ACHE: variants seen among roughly 807,000 people sequenced by gnomAD.
ACHE encodes acetylcholinesterase (Yt blood group), also known as acetylcholinesterase.
ACHE carries 19 observed loss-of-function variants against 53.9 expected under a neutral mutation model. The observed-to-expected ratio is 0.35, with a 90% CI of 0.25 to 0.52. The LOEUF is 0.52. Ranked by LOEUF, ACHE falls within the 20% of genes least tolerant of loss-of-function variation. The pLI is 0.95. For missense variants in ACHE, 605 were observed against 849.4 expected (o/e 0.71, Z 3.58); for synonymous variants, 392 against 378.1 (o/e 1.04, Z -0.43).
Position 100,895,807 on chromosome 7 carries a change from G to A in ACHE, c.-26C>T, listed in dbSNP as rs1306833551. The stretch of plus-strand genomic sequence containing the variant: ...GGGCGGGGAGGGAGACTCACCTGAG[G>A]CGGCCGAGCCGGGCCGGGCCGGGCC... On this transcript the variant is annotated 5_prime_UTR_variant, in exon 1 of 5. Coordinates refer to ENST00000241069, the MANE Select transcript of ACHE (RefSeq NM_000665.5). 6.6e-6 allele frequency: 1 copy of A among 152,088 alleles called. No homozygotes were observed. The highest frequency in any genetic ancestry group is 2.4e-5 in the African/African-American group (1 of 41,408). 9.4% of individuals were successfully genotyped at this position (152,088 alleles called of 1,614,324 possible).
At position 100,893,392 on chromosome 7, in the gene ACHE, G is replaced by T; in HGVS notation, c.841C>A (p.Gln281Lys). 6.2e-7 allele frequency: 1 copy of T among 1,612,792 alleles called. No individual in the cohort carries two copies. The highest frequency in any genetic ancestry group is 8.5e-7 in the Non-Finnish European group (1 of 1,179,924). Reference protein sequence around the residue: ...GMGEARRRATQLAHLVGCPPG... With the variant: ...GMGEARRRATKLAHLVGCPPG... ...GGACAGCCCACAAGGTGGGCCAGCT[G>T]CGTGGCCCTGCGACGGGCCTCTCCC... Residue 281 changes from glutamine (Q) to lysine (K), a missense_variant, in exon 2 of 5, where the codon CAG (glutamine) becomes AAG (lysine). Gln to Lys is a moderately conservative substitution (Grantham distance 53). Coordinates refer to ENST00000241069, the MANE Select transcript of ACHE (RefSeq NM_000665.5).
intron 3 of ACHE, 97 bp from the exon 4 acceptor site, chr7:100,891,435 C>T: frequency 7.9e-7 from 1 of 1,259,978 alleles, no homozygotes; most frequent in South Asian, 1.7e-5. Context: ...GCGGAGAGCC[C>T]CAGAGAACCC....
chr7:100,893,292 T>C lies in ACHE; in HGVS notation c.941A>G (p.Asn314Ser). Residue 314 changes from asparagine to serine, a missense_variant, in exon 2 of 5, where the codon AAC becomes AGC. By Grantham distance (46) the Asn-to-Ser change is conservative. Around this residue, in one of 4 missense-constraint regions of ACHE, gnomAD observed 397 missense variants for 632.5 expected, o/e 0.63. Transcript: ENST00000241069. The part of the protein sequence containing the change: ...LRTRPAQVLV[N>S]HEWHVLPQES... Reference sequence around the variant, plus strand: ...TTGAGGCAGCACGTGCCATTCGTGGTTCACCAGGACCTGCGCTGGTCGTGT... The same window carrying C: ...TTGAGGCAGCACGTGCCATTCGTGGCTCACCAGGACCTGCGCTGGTCGTGT... The C allele has an allele frequency of 6.2e-7, 1 of 1,613,996 alleles. No individual in the cohort carries two copies. Among genetic ancestry groups the C allele is most frequent in the Non-Finnish European group, 8.5e-7 (1 of 1,180,004 alleles).
chr7:100,894,454 T>G, intron 1 of ACHE: 21 of 393,422 alleles, frequency 5.3e-5, no homozygotes, highest in East Asian at 1.6e-4. Flanking sequence ...GGGAAAGAGA[T>G]CAGGCAGACA....
chr7:100,895,785 CG>C lies in ACHE; in HGVS notation c.-21+16del. 1 of 151,866 alleles carries C rather than the reference CG, an allele frequency of 6.6e-6. No homozygotes were observed. The highest frequency in any genetic ancestry group is 1.5e-5 in the Non-Finnish European group (1 of 67,916). 9.4% of individuals were successfully genotyped at this position (151,866 alleles called of 1,614,324 possible). ...CCCGGGCCTTAAGGAGAGTCCCGGG[CG>C]GGGAGGGAGACTCACCTGAGGCGGC... On this transcript the variant is annotated intron_variant, in intron 1 of 4. Transcript: ENST00000241069.
At position 100,890,092 on chromosome 7, in the gene ACHE, T is replaced by G; in HGVS notation, c.*122A>C. ...AGAGGACCGGGAGCCCCGGGGGACG[T>G]CGGGGTGGGGTGGGGATGGGCAGAG... On this transcript the variant is annotated 3_prime_UTR_variant, in exon 5 of 5. Transcript: ENST00000241069. The G allele has an allele frequency of 8.0e-7, 1 of 1,254,598 alleles. No individual in the cohort carries two copies. Among genetic ancestry groups the G allele is most frequent in the Non-Finnish European group, 1.1e-6 (1 of 921,424 alleles). The allele number at this position is 1,254,598 out of a possible 1,614,324, so 77.7% of individuals were successfully genotyped here.
upstream of ACHE, chr7:100,896,955 G>C (rs1383213504): frequency 6.6e-6 from 1 of 151,194 alleles, no homozygotes; most frequent in Non-Finnish European, 1.5e-5. Flanking sequence ...GAGACCCCGC[G>C]TGGGAGAGCG....
Position 100,892,232 on chromosome 7 carries a change from CCT to C in ACHE, c.1553+100_1553+101del, listed in dbSNP as rs5886143. 8.2e-4 allele frequency: 1,154 copies of C among 1,402,688 alleles called. 7 individuals carry two copies. The African/African-American group carries it at 0.015, about 18-fold the overall frequency. The allele number at this position is 1,402,688 out of a possible 1,614,324, so 86.9% of individuals were successfully genotyped here. On this transcript the variant is annotated intron_variant, in intron 3 of 4. Coordinates refer to ENST00000241069, the MANE Select transcript of ACHE (RefSeq NM_000665.5). This position sits in a 1 kb window ranked among gnomAD's most constrained non-coding sequence, Gnocchi z 5.2. Reference sequence around the variant, plus strand: ...CCCTCTCTGGCTGTTCTATCCTGCCCCTGTCCCACCCGTCCTTTCTGTCTCCG... The same window carrying C: ...CCCTCTCTGGCTGTTCTATCCTGCCCGTCCCACCCGTCCTTTCTGTCTCCG...
At position 100,893,735 on chromosome 7, in the gene ACHE, G is replaced by A. The variant is rs1430761080; in HGVS notation, c.498C>T (p.Gly166=). The change falls in exon 2 of 5, where the codon GGC becomes GGT. Residue 166 remains glycine (G), a synonymous_variant. Coordinates refer to ENST00000241069, the MANE Select transcript of ACHE (RefSeq NM_000665.5). ...SGASSLDVYD[G]RFLVQAERTV... ...TCCTCTCGGCCTGTACCAAGAAGCG[G>A]CCATCGTACACGTCCAAGGAGGAGG... The A allele has an allele frequency of 1.2e-6, 2 of 1,613,576 alleles. No homozygotes were observed. The highest frequency in any genetic ancestry group is 1.7e-6 in the Non-Finnish European group (2 of 1,180,020).
In ACHE at chr7:100,892,835, G is replaced by T. The variant is rs766544511; in HGVS notation, c.1069-17C>A. On this transcript the variant is annotated splice_polypyrimidine_tract_variant and intron_variant, in intron 2 of 4. Transcript: ENST00000241069. The surrounding 1 kb of genome is among the most constrained non-coding windows in gnomAD (Gnocchi z 5.2). The stretch of plus-strand genomic sequence containing the variant: ...CACCAGCACCTGGGGGTGAGGGAGA[G>T]GGGGGTGGGATGGAGCGACAGGCAC... 19 of 1,556,384 alleles carry T rather than the reference G, an allele frequency of 1.2e-5. No homozygotes were observed. Among genetic ancestry groups the T allele is most frequent in the South Asian group, 2.3e-5 (2 of 86,364 alleles).
At position 100,890,244 on chromosome 7, in the gene ACHE, G is replaced by A. The variant is rs1287891495; in HGVS notation, c.1815C>T (p.Tyr605=). The change falls in exon 5 of 5, where the codon TAC becomes TAT. Residue 605 remains tyrosine (Y), a synonymous_variant. Transcript: ENST00000241069. ...GGTCTGAGCAGCGATCCTGCTTGCT[G>A]TAGTGGTCGAACTGGTTCTTCCAGT... The part of the protein sequence containing the change: ...MVHWKNQFDH[Y]SKQDRCSDL 6.2e-7 allele frequency: 1 copy of A among 1,614,012 alleles called. No individual in the cohort carries two copies. The highest frequency in any genetic ancestry group is 8.5e-7 in the Non-Finnish European group (1 of 1,179,924).
chr7:100,894,923 C>T (rs1350737536), intron 1 of ACHE, among the ~76,000 whole-genome samples: 1 of 152,086 alleles, frequency 6.6e-6, no homozygotes, highest in Non-Finnish European at 1.5e-5. Context: ...ACTCGAGAGC[C>T]CCCCATCCGT....
In ACHE at chr7:100,892,678, G is replaced by A. The variant is rs758098245; in HGVS notation, c.1209C>T (p.Asp403=). 1 of 1,613,528 alleles carries A rather than the reference G, an allele frequency of 6.2e-7. No individual in the cohort carries two copies. The highest frequency in any genetic ancestry group is 8.5e-7 in the Non-Finnish European group (1 of 1,179,958). Residue 403 remains aspartate (D), a synonymous_variant, in exon 3 of 5, where the codon GAC becomes GAT. Transcript: ENST00000241069. The surrounding 1 kb of genome is among the most constrained non-coding windows in gnomAD (Gnocchi z 5.2). The part of the protein sequence containing the change: ...GVRVGVPQVS[D]LAAEAVVLHY... ...GCAGGACCACAGCCTCGGCTGCCAGGTCACTTACCTGGGGAACCCCGACCC... is the reference window on the plus strand; with the variant it reads ...GCAGGACCACAGCCTCGGCTGCCAGATCACTTACCTGGGGAACCCCGACCC...
chr7:100,893,053 G>C, intron 2 of ACHE, 112 bp downstream of exon 2: 7 of 1,314,868 alleles, frequency 5.3e-6, no homozygotes, highest in Non-Finnish European at 7.4e-6. Flanking sequence ...GAGGACTTCT[G>C]GGACTTCTGG....
intron 4 of ACHE, 85 bp downstream of exon 4, chr7:100,891,084 C>T: frequency 2.0e-6 from 3 of 1,525,844 alleles, no homozygotes; most frequent in Non-Finnish European, 2.6e-6. Flanking sequence ...TGGGAGCCTC[C>T]GAGGCTAGGG....
chr7:100,890,778 G>C, intron 4 of ACHE: 2 of 1,351,650 alleles, frequency 1.5e-6, no homozygotes, highest in Non-Finnish European at 9.5e-7. Flanking sequence ...CAACAAAGGC[G>C]TGGGGGTCCC....
rs1475849865 is a variant in ACHE at position 100,890,919 on chromosome 7, G to C, written c.1723+250C>G. ...TTCCCCACGGTCCGACCACTCATTA[G>C]AGGAGGGGCCCCTGTGGCCGTAGGG... On this transcript the variant is annotated intron_variant, in intron 4 of 4. Coordinates refer to ENST00000241069, the MANE Select transcript of ACHE (RefSeq NM_000665.5). The C allele has an allele frequency of 2.0e-6, 3 of 1,475,668 alleles. No homozygotes were observed. In the Admixed American group the frequency reaches 8.1e-5, roughly 40 times the overall value. The allele number at this position is 1,475,668 out of a possible 1,614,324, so 91.4% of individuals were successfully genotyped here. A position where few individuals can be genotyped will look rare whatever the true frequency, so the allele number is the denominator to read the frequency against.
At position 100,894,435 on chromosome 7, in the gene ACHE, G is replaced by C. The variant is rs1414388557; in HGVS notation, c.-20-183C>G. 7 of 460,132 alleles carry C rather than the reference G, an allele frequency of 1.5e-5. No homozygotes were observed. The East Asian group carries it at 2.4e-4, about 16-fold the overall frequency. 28.5% of individuals were successfully genotyped at this position (460,132 alleles called of 1,614,324 possible). A position where few individuals can be genotyped will look rare whatever the true frequency, so the allele number is the denominator to read the frequency against. On this transcript the variant is annotated intron_variant, in intron 1 of 4. Coordinates refer to ENST00000241069, the MANE Select transcript of ACHE (RefSeq NM_000665.5). ...GGCAGAGACAAGGACACAGGCCAGC[G>C]GGCAGGAGGGGAAAGAGATCAGGCA...
intron 1 of ACHE, among the ~76,000 whole-genome samples, chr7:100,895,601 G>A (rs2116033430): frequency 6.6e-6 from 1 of 152,340 alleles, no homozygotes; most frequent in East Asian, 1.9e-4. Context: ...GTTCCCGCGG[G>A]CTCGGGCTCC....
Sources: gnomAD v4.1 joint callset for allele counts (sites outside exome capture counted in the v4.1 genomes callset) on GRCh38, gnomAD v4.1.1 for gene constraint, gnomAD v4.1.1 regional missense constraint, Gnocchi (gnomAD v3.1) non-coding constraint, MANE v1.5 for transcripts, NCBI Gene and HGNC (gene_info 2026-07-23, HGNC 2026-07-21) for gene names.